The following SCARB2 variants were observed in gnomAD, a reference collection of about 807,000 sequenced individuals.
SCARB2 encodes scavenger receptor class B member 2.
A neutral mutation model predicts 58.6 loss-of-function variants in SCARB2; 29 were observed. The ratio of observed to expected loss-of-function variants is 0.49; its 90% CI spans 0.37 to 0.67. The LOEUF (loss-of-function observed/expected upper bound fraction) is 0.67, where lower values mean the gene tolerates loss of function less well. SCARB2 is among the 30% of genes least tolerant of loss of function. The pLI, the probability that SCARB2 is intolerant of heterozygous loss-of-function variation, is 0.00. For synonymous variants in SCARB2, 195 were observed against 210.1 expected (o/e 0.93, Z 0.62); for missense variants, 488 against 578.5 (o/e 0.84, Z 1.60).
upstream of SCARB2, among the ~76,000 whole-genome samples, chr4:76,216,959 C>G (rs1462712881): frequency 6.6e-6 from 1 of 152,206 alleles, no homozygotes. Flanking sequence ...AGCAGCTGGC[C>G]TGGCTGTCTT....
intron 11 of SCARB2, chr4:76,161,967 A>G (rs1368799894): frequency 3.2e-6 from 2 of 620,228 alleles, no homozygotes; most frequent in Admixed American, 2.5e-5. Flanking sequence ...TCCCACCCTC[A>G]ATACCAGAGC....
At position 76,169,752 on chromosome 4, in the gene SCARB2, G is replaced by A; in HGVS notation, c.1113+115C>T. ...GCACTGAGCTGAATTTCTCCCACTTGAATATGTATATGAAAGTAAGGATAT... is the reference window on the plus strand; with the variant it reads ...GCACTGAGCTGAATTTCTCCCACTTAAATATGTATATGAAAGTAAGGATAT... On this transcript the variant is annotated intron_variant, in intron 8 of 11. Coordinates refer to ENST00000264896, the MANE Select transcript of SCARB2 (RefSeq NM_005506.4). 5 of 887,310 alleles carry A rather than the reference G, an allele frequency of 5.6e-6. No homozygotes were observed. In the Admixed American group the frequency reaches 6.9e-5, roughly 12 times the overall value. The allele number at this position is 887,310 out of a possible 1,614,324, so 55.0% of individuals were successfully genotyped here.
chr4:76,174,223 C>T lies in SCARB2; in HGVS notation c.915G>A (p.Thr305=), dbSNP rs762138695. 34 of 1,614,056 alleles carry T rather than the reference C, an allele frequency of 2.1e-5. No individual in the cohort carries two copies. Among genetic ancestry groups the T allele is most frequent in the African/African-American group, 2.0e-4 (15 of 74,914 alleles). The part of the protein sequence containing the change: ...YKVPAEILAN[T]SDNAGFCIPE... Reference sequence around the variant, plus strand: ...GTATACAGAAGCCGGCATTGTCTGACGTATTGGCTAATATTTCTGCAGGAA... The same window carrying T: ...GTATACAGAAGCCGGCATTGTCTGATGTATTGGCTAATATTTCTGCAGGAA... The change falls in exon 7 of 12, where the codon ACG becomes ACA. Residue 305 remains threonine (T), a synonymous_variant. Coordinates refer to ENST00000264896, the MANE Select transcript of SCARB2 (RefSeq NM_005506.4).
intron 1 of SCARB2, among the ~76,000 whole-genome samples, chr4:76,226,104 G>A (rs549862746): frequency 9.1e-4 from 76 of 83,434 alleles, no homozygotes; most frequent in African/African-American, 2.3e-3. Flanking sequence ...TATGAAGTCC[G>A]ACGGAGTCAA....
At chr4:76,163,188 AT>A (rs749534261) in intron 11 of SCARB2, 36 bp downstream of exon 11, 1 of 1,613,504 alleles carries the variant, frequency 6.2e-7, no homozygotes, top group Admixed American at 1.7e-5. Context: ...AGGTAAAGTT[AT>A]CCAGTAAGGA....
At chr4:76,189,718 T>C (rs754790021) in intron 2 of SCARB2, among the ~76,000 whole-genome samples, 6 of 152,016 alleles carry the variant, frequency 3.9e-5, no homozygotes, top group Non-Finnish European at 5.9e-5. Context: ...GTGATCTGCC[T>C]ACCTTGACTT....
upstream of SCARB2, chr4:76,214,436 C>T: frequency 2.5e-6 from 1 of 397,214 alleles, no homozygotes; most frequent in Admixed American, 2.9e-5. Context: ...TGAGCAAAGG[C>T]ATTGGGGGTG....
intron 1 of SCARB2, among the ~76,000 whole-genome samples, chr4:76,233,040 C>T (rs34385906): frequency 0.15 from 22,741 of 152,034 alleles, 2,000 homozygotes; most frequent in East Asian, 0.35. Context: ...ATCCTTTAAC[C>T]CTAGGCAAAA....
chr4:76,169,339 C>CAT (rs1311698139), intron 8 of SCARB2, among the ~76,000 whole-genome samples: 5 of 123,226 alleles, frequency 4.1e-5, no homozygotes, highest in East Asian at 5.6e-4. Context: ...CACACACACA[C>CAT]ACGTGTGTAT....
chr4:76,174,414 A>G, intron 6 of SCARB2, 101 bp from the exon 7 acceptor site: 1 of 1,012,726 alleles, frequency 9.9e-7, no homozygotes, highest in Non-Finnish European at 1.6e-6. Context: ...ACATGGCCAA[A>G]AGCTCACAGG....
chr4:76,166,618 G>C, intron 9 of SCARB2: 1 of 446,090 alleles, frequency 2.2e-6, no homozygotes, highest in South Asian at 2.2e-5. Context: ...AGAGTGTTTT[G>C]TAACTAGGCC....
chr4:76,166,208 G>A, intron 10 of SCARB2, 42 bp downstream of exon 10: 1 of 1,595,410 alleles, frequency 6.3e-7, no homozygotes, highest in Non-Finnish European at 8.6e-7. Context: ...GATTTTTTCT[G>A]AGTCTGAAAA....
intron 1 of SCARB2, among the ~76,000 whole-genome samples, chr4:76,223,320 C>T (rs1733341444): frequency 6.6e-6 from 1 of 152,130 alleles, no homozygotes; most frequent in South Asian, 2.1e-4. Context: ...TGGTAGATTT[C>T]CAGTGAGTTT....
intron 7 of SCARB2, among the ~76,000 whole-genome samples, chr4:76,171,989 CGTGT>C (rs776803081): frequency 6.0e-5 from 9 of 150,158 alleles, no homozygotes; most frequent in African/African-American, 2.0e-4. Flanking sequence ...CACTTGCGCA[CGTGT>C]GTGTGTATAC....
chr4:76,169,204 T>C (rs1249637130), intron 8 of SCARB2, among the ~76,000 whole-genome samples: 2 of 151,934 alleles, frequency 1.3e-5, no homozygotes, highest in Non-Finnish European at 2.9e-5. Flanking sequence ...GCTAAAAGAA[T>C]GTTCTTGTTT....
At chr4:76,201,422 T>C (rs182976807) in intron 1 of SCARB2, among the ~76,000 whole-genome samples, 119 of 152,344 alleles carry the variant, frequency 7.8e-4, no homozygotes, top group Non-Finnish European at 1.0e-3. Flanking sequence ...ACATGGTTTC[T>C]GGCACAGAAG....
Position 76,206,005 on chromosome 4 carries a change from C to T in SCARB2, c.117+7422G>A, listed in dbSNP as rs150649912. ...CCCCTCAAAACTCCTTTGTTGATAT[C>T]CTTACCCCCAAGGTGGTGAGATTAG... On this transcript the variant is annotated intron_variant, in intron 1 of 11. Transcript: ENST00000264896. 2.0e-3 allele frequency among the ~76,000 whole-genome samples: 310 copies of T among 152,212 alleles called. 2 individuals are homozygous for T. Among genetic ancestry groups the T allele is most frequent in the Middle Eastern group, 6.8e-3 (2 of 294 alleles).
At chr4:76,233,763 T>A (rs947804175) in intron 1 of SCARB2, among the ~76,000 whole-genome samples, 2 of 152,064 alleles carry the variant, frequency 1.3e-5, no homozygotes, top group Admixed American at 1.3e-4. Context: ...CAAAGCCCTA[T>A]CAAGCAGTTA....
At position 76,213,685 on chromosome 4, in the gene SCARB2, G is replaced by T. The variant is rs1238899449; in HGVS notation, c.-142C>A. On this transcript the variant is annotated 5_prime_UTR_variant, in exon 1 of 12. Coordinates refer to ENST00000264896, the MANE Select transcript of SCARB2 (RefSeq NM_005506.4). ...CCCTCCCGGCGCACGGTTCGTGCGC[G>T]CAGCTCTGGGCTCCGCGGCCTGGCG... 2 of 604,010 alleles carry T rather than the reference G, an allele frequency of 3.3e-6. No individual in the cohort carries two copies. Among genetic ancestry groups the T allele is most frequent in the African/African-American group, 2.0e-5 (1 of 50,166 alleles). The allele number at this position is 604,010 out of a possible 1,614,324, so 37.4% of individuals were successfully genotyped here. A position where few individuals can be genotyped will look rare whatever the true frequency, so the allele number is the denominator to read the frequency against.
Sources: allele counts gnomAD v4.1 joint callset (sites outside exome capture counted in the v4.1 genomes callset), GRCh38; gene constraint gnomAD v4.1.1; transcripts MANE v1.5; gene names NCBI Gene and HGNC (gene_info 2026-07-23, HGNC 2026-07-21).